RETREG2: variants seen among roughly 807,000 people sequenced by gnomAD.
RETREG2 encodes reticulophagy regulator 2.
RETREG2 carries 21 observed loss-of-function variants against 51.6 expected under a neutral mutation model. That is an observed-to-expected ratio of 0.41 (90% CI 0.29 to 0.59). RETREG2 has a LOEUF of 0.59. Ranked by LOEUF, RETREG2 falls within the 20% of genes least tolerant of loss-of-function variation. RETREG2 has a pLI of 0.34. For synonymous variants in RETREG2, 339 were observed against 288.6 expected (o/e 1.17, Z -1.77); for missense variants, 674 against 646.0 (o/e 1.04, Z -0.47).
chr2:219,178,304 C>T lies in RETREG2; in HGVS notation c.-49C>T, dbSNP rs961072449. On this transcript the variant is annotated 5_prime_UTR_variant, in exon 1 of 9. Transcript: ENST00000430297. ...CGCCTGACGCGCCCCCGGCGGCGGC[C>T]GCGCAGCCCTGGCTCCTCGCGGGCT... is the stretch of plus-strand genomic sequence containing the variant. 2 of 378,706 alleles carry T rather than the reference C, an allele frequency of 5.3e-6. No homozygotes were observed. Among genetic ancestry groups the T allele is most frequent in the East Asian group, 7.6e-5 (2 of 26,162 alleles). 23.5% of individuals were successfully genotyped at this position (378,706 alleles called of 1,614,324 possible). A position where few individuals can be genotyped will look rare whatever the true frequency, so the allele number is the denominator to read the frequency against.
chr2:219,184,825 G>GTTTTTTTTTTTTTTTTTTTTTTTT lies in RETREG2; in HGVS notation c.*2215_*2216insTTTTTTTTTTTTTTTTTTTTTTTT, dbSNP rs71040423. The GTTTTTTTTTTTTTTTTTTTTTTTT allele has an allele frequency of 1.0e-4, 10 of 99,426 alleles. No individual in the cohort carries two copies. Among genetic ancestry groups the GTTTTTTTTTTTTTTTTTTTTTTTT allele is most frequent in the Non-Finnish European group, 1.5e-4 (8 of 51,892 alleles). 6.2% of individuals were successfully genotyped at this position (99,426 alleles called of 1,614,324 possible). Reference sequence around the variant, plus strand: ...TGTTTTGGTTTTTTGTTTTTTGTGGGTTTTTTTTTTTTTTTTTTTGAGACG... The same window carrying GTTTTTTTTTTTTTTTTTTTTTTTT: ...TGTTTTGGTTTTTTGTTTTTTGTGGGTTTTTTTTTTTTTTTTTTTTTTTTTTTTTTTTTTTTTTTTTTTGAGACG... On this transcript the variant is annotated 3_prime_UTR_variant, in exon 9 of 9. Coordinates refer to ENST00000430297, the MANE Select transcript of RETREG2 (RefSeq NM_024293.6).
At chr2:219,181,037 C>T (rs1255216407) in intron 5 of RETREG2, 25 bp from the exon 6 acceptor site, 1 of 1,612,276 alleles carries the variant, frequency 6.2e-7, no homozygotes, top group African/African-American at 1.3e-5. Context: ...GTAGGGAGCT[C>T]TTAGTTCACG....
In RETREG2 at chr2:219,182,052, C is replaced by T; in HGVS notation, c.1055C>T (p.Thr352Ile). 4 of 1,614,112 alleles carry T rather than the reference C, an allele frequency of 2.5e-6. No individual in the cohort carries two copies. Among genetic ancestry groups the T allele is most frequent in the East Asian group, 2.2e-5 (1 of 44,878 alleles). The part of the protein sequence containing the change: ...QQSLPSEPEE[T>I]LSRDLGEGEE... ...AGCCTGCCAAGTGAACCAGAGGAGA[C>T]CCTAAGCCGGGACCTAGGGGAGGGA... Residue 352 changes from threonine (T) to isoleucine (I), a missense_variant, in exon 9 of 9, where the codon ACC becomes ATC. By Grantham distance (89) the Thr-to-Ile change is moderately conservative. Coordinates refer to ENST00000430297, the MANE Select transcript of RETREG2 (RefSeq NM_024293.6).
Position 219,178,598 on chromosome 2 carries a change from C to A in RETREG2, c.246C>A (p.Ser82Arg). 6.8e-7 allele frequency: 1 copy of A among 1,470,910 alleles called. No individual in the cohort carries two copies. Among genetic ancestry groups the A allele is most frequent in the South Asian group, 1.3e-5 (1 of 77,246 alleles). 91.1% of individuals were successfully genotyped at this position (1,470,910 alleles called of 1,614,324 possible). ...TGGTGTGGGAGAAGCCGCTGCACAG[C>A]CTGGTCACGGCGGCCGCGCTCAACG... is the stretch of plus-strand genomic sequence containing the variant. Reference protein sequence around the residue: ...RLLVWEKPLHSLVTAAALNGL... With the variant: ...RLLVWEKPLHRLVTAAALNGL... Residue 82 changes from serine (S) to arginine (R), a missense_variant, in exon 1 of 9, where the codon AGC becomes AGA. Transcript: ENST00000430297.
In RETREG2 at chr2:219,183,009, C is replaced by T. The variant is rs1950305098; in HGVS notation, c.*380C>T. 1 of 245,504 alleles carries T rather than the reference C, an allele frequency of 4.1e-6. No individual in the cohort carries two copies. Among genetic ancestry groups the T allele is most frequent in the Admixed American group, 4.9e-5 (1 of 20,470 alleles). The allele number at this position is 245,504 out of a possible 1,614,324, so 15.2% of individuals were successfully genotyped here. A position where few individuals can be genotyped will look rare whatever the true frequency, so the allele number is the denominator to read the frequency against. On this transcript the variant is annotated 3_prime_UTR_variant, in exon 9 of 9. Transcript: ENST00000430297. ...TCAGGGACCTGTGCTGCTCTGCCCT[C>T]ATGTCCCACTTGGTTGTTTAGTTGA... is the stretch of plus-strand genomic sequence containing the variant.
At chr2:219,180,026 G>C in intron 3 of RETREG2, 84 bp from the exon 4 acceptor site, 1 of 1,553,746 alleles carries the variant, frequency 6.4e-7, no homozygotes, top group South Asian at 1.1e-5. Flanking sequence ...TTAGACTAAA[G>C]ATATCTTTGG....
rs749385587 is a variant in RETREG2 at position 219,182,081 on chromosome 2, G to A, written c.1084G>A (p.Glu362Lys). Residue 362 changes from glutamate to lysine, a missense_variant, in exon 9 of 9, where the codon GAG becomes AAG. Glu to Lys is a moderately conservative substitution (Grantham distance 56, BLOSUM62 1). Transcript: ENST00000430297. Reference protein sequence around the residue: ...TLSRDLGEGEEGELAPPEDLL... With the variant: ...TLSRDLGEGEKGELAPPEDLL... ...AAGCCGGGACCTAGGGGAGGGAGAGGAGGGAGAGCTGGCCCCTCCCGAAGA... is the reference window on the plus strand; with the variant it reads ...AAGCCGGGACCTAGGGGAGGGAGAGAAGGGAGAGCTGGCCCCTCCCGAAGA... The A allele has an allele frequency of 6.2e-7, 1 of 1,614,148 alleles. No individual in the cohort carries two copies. The highest frequency in any genetic ancestry group is 1.1e-5 in the South Asian group (1 of 91,080).
Position 219,182,766 on chromosome 2 carries a change from T to C in RETREG2, c.*137T>C, listed in dbSNP as rs1374755671. The C allele has an allele frequency of 2.1e-6, 2 of 961,310 alleles. No individual in the cohort carries two copies. The highest frequency in any genetic ancestry group is 3.1e-6 in the Non-Finnish European group (2 of 652,304). 59.5% of individuals were successfully genotyped at this position (961,310 alleles called of 1,614,324 possible). On this transcript the variant is annotated 3_prime_UTR_variant, in exon 9 of 9. Transcript: ENST00000430297. The stretch of plus-strand genomic sequence containing the variant: ...CTGTCGGATGGTAGCTATTCCACCC[T>C]CTGCCTGCCTGCCTGCCTGCTGTCC...
Position 219,183,664 on chromosome 2 carries a change from C to T in RETREG2, c.*1035C>T, listed in dbSNP as rs1441617647. The stretch of plus-strand genomic sequence containing the variant: ...CCCTAGCTTCTCCTTAGCCATCTTC[C>T]TTGACAGTGTGATCTGTTTAGTGAG... On this transcript the variant is annotated 3_prime_UTR_variant, in exon 9 of 9. Coordinates refer to ENST00000430297, the MANE Select transcript of RETREG2 (RefSeq NM_024293.6). The T allele has an allele frequency of 6.6e-6, 1 of 151,998 alleles. No homozygotes were observed. Among genetic ancestry groups the T allele is most frequent in the Non-Finnish European group, 1.5e-5 (1 of 68,036 alleles). 9.4% of individuals were successfully genotyped at this position (151,998 alleles called of 1,614,324 possible).
At chr2:219,180,535 C>T in intron 4 of RETREG2, 135 bp from the exon 5 acceptor site, 1 of 1,487,026 alleles carries the variant, frequency 6.7e-7, no homozygotes, top group Non-Finnish European at 9.1e-7. Context: ...CTTGAGCATC[C>T]TCTTAACCAA....
Position 219,183,333 on chromosome 2 carries a change from A to G in RETREG2, c.*704A>G, listed in dbSNP as rs1384688688. 6.6e-6 allele frequency: 1 copy of G among 152,462 alleles called. No homozygotes were observed. The highest frequency in any genetic ancestry group is 1.5e-5 in the Non-Finnish European group (1 of 68,214). 9.4% of individuals were successfully genotyped at this position (152,462 alleles called of 1,614,324 possible). A position where few individuals can be genotyped will look rare whatever the true frequency, so the allele number is the denominator to read the frequency against. ...GGATCCCGCAGTACATGGCGCCAGC[A>G]CTGGAGTTGGTGAGCATGTGCTCTC... On this transcript the variant is annotated 3_prime_UTR_variant, in exon 9 of 9. Coordinates refer to ENST00000430297, the MANE Select transcript of RETREG2 (RefSeq NM_024293.6).
At position 219,183,823 on chromosome 2, in the gene RETREG2, C is replaced by T. The variant is rs1574788246; in HGVS notation, c.*1194C>T. On this transcript the variant is annotated 3_prime_UTR_variant, in exon 9 of 9. Transcript: ENST00000430297. ...TAACACTGCTTTCTTAAGAAGTCTT[C>T]ACCCATCTACATGCTAACAACTCAC... is the stretch of plus-strand genomic sequence containing the variant. 1.3e-5 allele frequency: 2 copies of T among 152,220 alleles called. No homozygotes were observed. Among genetic ancestry groups the T allele is most frequent in the Non-Finnish European group, 2.9e-5 (2 of 68,040 alleles). 9.4% of individuals were successfully genotyped at this position (152,220 alleles called of 1,614,324 possible). A position where few individuals can be genotyped will look rare whatever the true frequency, so the allele number is the denominator to read the frequency against.
intron 4 of RETREG2, 98 bp downstream of exon 4, chr2:219,180,343 C>T (rs1440812276): frequency 1.3e-6 from 2 of 1,510,998 alleles, no homozygotes; most frequent in South Asian, 1.2e-5. Flanking sequence ...CGCTTGGAGA[C>T]CCTGAAAGAA....
At chr2:219,178,745 A>G in intron 1 of RETREG2, 112 bp downstream of exon 1, 1 of 1,278,346 alleles carries the variant, frequency 7.8e-7, no homozygotes. Flanking sequence ...ACCCATCCCC[A>G]GTTTTTGCAG....
rs1444918182 is a variant in RETREG2 at position 219,178,559 on chromosome 2, G to A, written c.207G>A (p.Ala69=). 12 of 1,449,292 alleles carry A rather than the reference G, an allele frequency of 8.3e-6. No homozygotes were observed. Among genetic ancestry groups the A allele is most frequent in the Non-Finnish European group, 9.9e-6 (11 of 1,109,054 alleles). The allele number at this position is 1,449,292 out of a possible 1,614,324, so 89.8% of individuals were successfully genotyped here. A position where few individuals can be genotyped will look rare whatever the true frequency, so the allele number is the denominator to read the frequency against. Residue 69 remains alanine (A), a synonymous_variant, in exon 1 of 9, where the codon GCG becomes GCA. Transcript: ENST00000430297. The part of the protein sequence containing the change: ...RLRGWEAVLA[A]AQRLLVWEKP... ...GCGGCTGGGAGGCGGTGCTGGCGGCGGCGCAGCGGTTGCTGGTGTGGGAGA... is the reference window on the plus strand; with the variant it reads ...GCGGCTGGGAGGCGGTGCTGGCGGCAGCGCAGCGGTTGCTGGTGTGGGAGA...
chr2:219,181,525 G>A, intron 7 of RETREG2, 62 bp downstream of exon 7: 4 of 1,603,702 alleles, frequency 2.5e-6, no homozygotes, highest in Non-Finnish European at 3.4e-6. Flanking sequence ...TTTCTGCTTT[G>A]GAGCTGCCAC....
Position 219,182,767 on chromosome 2 carries a change from C to CT in RETREG2, c.*139dup. On this transcript the variant is annotated 3_prime_UTR_variant, in exon 9 of 9. Transcript: ENST00000430297. ...TGTCGGATGGTAGCTATTCCACCCT[C>CT]TGCCTGCCTGCCTGCCTGCTGTCCT... The CT allele has an allele frequency of 2.5e-6, 2 of 786,894 alleles. No homozygotes were observed. The highest frequency in any genetic ancestry group is 4.0e-6 in the Non-Finnish European group (2 of 502,912). The allele number at this position is 786,894 out of a possible 1,614,324, so 48.7% of individuals were successfully genotyped here. A position where few individuals can be genotyped will look rare whatever the true frequency, so the allele number is the denominator to read the frequency against.
chr2:219,182,714 G>A lies in RETREG2; in HGVS notation c.*85G>A. 5 of 1,507,548 alleles carry A rather than the reference G, an allele frequency of 3.3e-6. No homozygotes were observed. The highest frequency in any genetic ancestry group is 3.6e-6 in the Non-Finnish European group (4 of 1,114,964). 93.4% of individuals were successfully genotyped at this position (1,507,548 alleles called of 1,614,324 possible). On this transcript the variant is annotated 3_prime_UTR_variant, in exon 9 of 9. Transcript: ENST00000430297. ...GTTTCCTCCTTTGCCTACCACTCTG[G>A]GGTGGGGCAGTGTGTGGGGAAGCTG...
chr2:219,179,867 C>T, intron 3 of RETREG2, 104 bp downstream of exon 3: 1 of 1,338,058 alleles, frequency 7.5e-7, no homozygotes. Flanking sequence ...TGTGAATGAA[C>T]TGGTAACAAG....
Sources: allele counts gnomAD v4.1 joint callset, GRCh38; gene constraint gnomAD v4.1.1; transcripts MANE v1.5; gene names NCBI Gene and HGNC (gene_info 2026-07-23, HGNC 2026-07-21).